Variants in DSCAML1 observed in about 807,000 individuals in gnomAD.
The protein encoded by DSCAML1 is DS cell adhesion molecule like 1.
A neutral mutation model predicts 200.5 loss-of-function variants in DSCAML1; 38 were observed. That is an observed-to-expected ratio of 0.19 (90% CI 0.15 to 0.25). DSCAML1 has a LOEUF of 0.25. Ranked by LOEUF, DSCAML1 falls within the 10% of genes least tolerant of loss-of-function variation. The probability of loss-of-function intolerance (pLI) is 1.00; values close to 1 mark genes in which losing one functional copy is unlikely to be tolerated. For synonymous variants in DSCAML1, 1,215 were observed against 1,165.0 expected (o/e 1.04, Z -0.87); for missense variants, 2,223 against 2,858.8 (o/e 0.78, Z 5.07).
intron 3 of DSCAML1, among the ~76,000 whole-genome samples, chr11:117,612,554 G>A (rs1007704053): frequency 3.3e-5 from 5 of 152,116 alleles, no homozygotes; most frequent in Non-Finnish European, 7.4e-5. Context: ...AGGCAATAAA[G>A]AGATCAATAC....
chr11:117,551,633 C>T (rs1357207689), intron 3 of DSCAML1, among the ~76,000 whole-genome samples: 2 of 152,156 alleles, frequency 1.3e-5, no homozygotes, highest in African/African-American at 4.8e-5. Context: ...TTAGACCTGC[C>T]TCCTTGGCCT....
intron 3 of DSCAML1, among the ~76,000 whole-genome samples, chr11:117,644,695 C>T (rs1478771825): frequency 1.3e-5 from 2 of 152,230 alleles, no homozygotes; most frequent in African/African-American, 4.8e-5. Context: ...CAGCCTCCCT[C>T]TCAACCTCTA....
intron 3 of DSCAML1, among the ~76,000 whole-genome samples, chr11:117,539,061 C>T (rs2050217402): frequency 6.6e-6 from 1 of 152,138 alleles, no homozygotes; most frequent in Admixed American, 6.5e-5. Flanking sequence ...TCAATCCGGT[C>T]ATAAAACAGG....
Position 117,616,804 on chromosome 11 carries a change from C to T in DSCAML1, c.512-84282G>A, listed in dbSNP as rs60447630. 5.3e-3 allele frequency among the ~76,000 whole-genome samples: 803 copies of T among 152,266 alleles called. 4 individuals carry two copies. Among genetic ancestry groups the T allele is most frequent in the African/African-American group, 0.018 (746 of 41,558 alleles). ...GTGTCCTTTGACATGTATATTAAAA[C>T]ATTTATTAAAATAAACATTAAAAAT... is the stretch of plus-strand genomic sequence containing the variant. On this transcript the variant is annotated intron_variant, in intron 3 of 32. Transcript: ENST00000651296.
intron 3 of DSCAML1, among the ~76,000 whole-genome samples, chr11:117,537,396 G>C (rs2050190197): frequency 6.6e-6 from 1 of 152,206 alleles, no homozygotes; most frequent in Admixed American, 6.5e-5. Flanking sequence ...GGGGAAGGCT[G>C]TGGAAGGTCT....
chr11:117,612,517 C>T (rs2051717638), intron 3 of DSCAML1, among the ~76,000 whole-genome samples: 1 of 152,168 alleles, frequency 6.6e-6, no homozygotes, highest in South Asian at 2.1e-4. Context: ...GGTAGTTTTG[C>T]TTGACAAATG....
chr11:117,538,503 C>CT (rs1190824529), intron 3 of DSCAML1, among the ~76,000 whole-genome samples: 4 of 152,196 alleles, frequency 2.6e-5, no homozygotes, highest in Non-Finnish European at 4.4e-5. Flanking sequence ...TCCTCAGGAG[C>CT]TGGGTTGGAG....
intron 3 of DSCAML1, among the ~76,000 whole-genome samples, chr11:117,646,551 T>C (rs1321690682): frequency 1.3e-5 from 2 of 152,220 alleles, no homozygotes; most frequent in Non-Finnish European, 2.9e-5. Context: ...TTATTTAGCA[T>C]CTACTATGTG....
intron 3 of DSCAML1, among the ~76,000 whole-genome samples, chr11:117,646,088 G>A (rs531027241): frequency 6.6e-6 from 1 of 152,036 alleles, no homozygotes. Flanking sequence ...TTTCAATAAA[G>A]GCATTTCATT....
rs758009804 is a variant in DSCAML1 at position 117,498,036 on chromosome 11, C to T, written c.2359+5809G>A. Reference sequence around the variant, plus strand: ...GGACCAGACCTGTGGACTAGAGGTCCGTCAGCCAGTCCAGATTCCAGAGTG... The same window carrying T: ...GGACCAGACCTGTGGACTAGAGGTCTGTCAGCCAGTCCAGATTCCAGAGTG... On this transcript the variant is annotated intron_variant, in intron 11 of 32. Transcript: ENST00000651296. This position sits in a 1 kb window ranked among gnomAD's most constrained non-coding sequence, Gnocchi z 4.0. Among the ~76,000 whole-genome samples the T allele has an allele frequency of 3.3e-5, 5 of 152,214 alleles. No individual in the cohort carries two copies. Among genetic ancestry groups the T allele is most frequent in the Admixed American group, 2.0e-4 (3 of 15,282 alleles).
chr11:117,766,820 G>A (rs1672371079), intron 3 of DSCAML1, among the ~76,000 whole-genome samples: 1 of 152,144 alleles, frequency 6.6e-6, no homozygotes, highest in Non-Finnish European at 1.5e-5. Context: ...GAGGAGTGTG[G>A]CTGATGGTTC....
At chr11:117,659,156 A>C (rs2052792766) in intron 3 of DSCAML1, among the ~76,000 whole-genome samples, 2 of 152,208 alleles carry the variant, frequency 1.3e-5, no homozygotes, top group East Asian at 3.9e-4. Flanking sequence ...GTTCTGTAGT[A>C]AGAAGGGGCT....
intron 3 of DSCAML1, among the ~76,000 whole-genome samples, chr11:117,557,984 G>C (rs1018033527): frequency 8.5e-5 from 13 of 152,104 alleles, no homozygotes; most frequent in Non-Finnish European, 1.8e-4. Flanking sequence ...CTACAAGCCC[G>C]GGATAGCAAC....
At chr11:117,799,343 C>T (rs1689432351), upstream of DSCAML1, among the ~76,000 whole-genome samples, 1 of 152,146 alleles carries the variant, frequency 6.6e-6, no homozygotes, top group African/African-American at 2.4e-5. Flanking sequence ...CTGAGTGGGC[C>T]TGGGGTAGCG....
chr11:117,771,910 C>T (rs1165259496), intron 3 of DSCAML1, among the ~76,000 whole-genome samples: 1 of 152,078 alleles, frequency 6.6e-6, no homozygotes, highest in Non-Finnish European at 1.5e-5. Flanking sequence ...TCCTCTGTGA[C>T]AGTCCTATGC....
At chr11:117,593,948 C>T (rs1169720075) in intron 3 of DSCAML1, among the ~76,000 whole-genome samples, 3 of 151,976 alleles carry the variant, frequency 2.0e-5, no homozygotes, top group Non-Finnish European at 4.4e-5. Flanking sequence ...CTCCTGACCT[C>T]GTGATCCGCC....
intron 2 of DSCAML1, among the ~76,000 whole-genome samples, chr11:117,778,449 T>C (rs535139581): frequency 6.6e-6 from 1 of 152,322 alleles, no homozygotes; most frequent in Non-Finnish European, 1.5e-5. Context: ...CCCTGCCTCC[T>C]CCACTGGCCC....
At chr11:117,597,520 C>T (rs2051385158) in intron 3 of DSCAML1, among the ~76,000 whole-genome samples, 1 of 152,238 alleles carries the variant, frequency 6.6e-6, no homozygotes, top group Admixed American at 6.5e-5. Flanking sequence ...ACGATCTGAG[C>T]TCACTGCAAC....
chr11:117,494,377 T>C (rs930849487), intron 11 of DSCAML1, among the ~76,000 whole-genome samples: 1 of 152,192 alleles, frequency 6.6e-6, no homozygotes, highest in Non-Finnish European at 1.5e-5. Context: ...TGGCCAGATA[T>C]GAGACCCGGT....
Sources: gnomAD v4.1 joint callset for allele counts (sites outside exome capture counted in the v4.1 genomes callset) on GRCh38, gnomAD v4.1.1 for gene constraint, Gnocchi (gnomAD v3.1) non-coding constraint, MANE v1.5 for transcripts, NCBI Gene and HGNC (gene_info 2026-07-23, HGNC 2026-07-21) for gene names.